Variants in PTN observed in about 807,000 individuals in gnomAD.
The protein encoded by PTN is heparin affin regulatory protein.
PTN carries 18 observed loss-of-function variants against 24.1 expected under a neutral mutation model. The observed-to-expected ratio is 0.75, with a 90% CI of 0.52 to 1.11. The LOEUF (loss-of-function observed/expected upper bound fraction) is 1.11, where lower values mean the gene tolerates loss of function less well. Among genes scored for constraint, PTN ranks in the 50% least tolerant of loss-of-function variants. The pLI is 0.00. For missense variants in PTN, 163 were observed against 198.8 expected (o/e 0.82, Z 1.08); for synonymous variants, 78 against 68.6 (o/e 1.14, Z -0.67).
At chr7:137,254,697 C>T (rs2128871485) in intron 2 of PTN, among the ~76,000 whole-genome samples, 162 bp downstream of exon 2, 1 of 152,052 alleles carries the variant, frequency 6.6e-6, no homozygotes, top group Non-Finnish European at 1.5e-5. Flanking sequence ...CAGGATATTT[C>T]TTAGGTTCCT....
At chr7:137,312,157 C>G (rs1449060617) in intron 1 of PTN, among the ~76,000 whole-genome samples, 1 of 152,120 alleles carries the variant, frequency 6.6e-6, no homozygotes, top group African/African-American at 2.4e-5. Flanking sequence ...ATTTAAAGGA[C>G]AAGATATTAA....
intron 1 of PTN, among the ~76,000 whole-genome samples, chr7:137,307,056 C>T (rs1178138797): frequency 6.6e-6 from 1 of 152,068 alleles, no homozygotes; most frequent in Non-Finnish European, 1.5e-5. Context: ...GCAGTCAATG[C>T]TCAGTAGAGA....
chr7:137,318,424 T>C (rs1184296028), intron 1 of PTN, among the ~76,000 whole-genome samples: 2 of 152,180 alleles, frequency 1.3e-5, no homozygotes, highest in Non-Finnish European at 2.9e-5. Context: ...CCAGGTAGAA[T>C]CCTACAGATT....
At chr7:137,332,167 C>T (rs926672422) in intron 1 of PTN, among the ~76,000 whole-genome samples, 1 of 152,174 alleles carries the variant, frequency 6.6e-6, no homozygotes, top group Non-Finnish European at 1.5e-5. Flanking sequence ...AAAAGCAGGA[C>T]ACCCAATTAC....
intron 1 of PTN, among the ~76,000 whole-genome samples, chr7:137,270,859 G>T (rs141205177): frequency 2.6e-5 from 4 of 152,196 alleles, no homozygotes; most frequent in Admixed American, 2.0e-4. Context: ...TAGGTAGGGG[G>T]TTATGGGTGG....
intron 1 of PTN, among the ~76,000 whole-genome samples, chr7:137,260,874 G>A (rs919932717): frequency 7.9e-5 from 12 of 152,256 alleles, no homozygotes; most frequent in African/African-American, 2.9e-4. Flanking sequence ...TTGCAAAATG[G>A]TGATATTCTC....
At chr7:137,336,874 C>T (rs549146620) in intron 1 of PTN, among the ~76,000 whole-genome samples, 5 of 152,230 alleles carry the variant, frequency 3.3e-5, no homozygotes, top group Admixed American at 1.3e-4. Context: ...ACTACTCAGA[C>T]GTCAATCCTG....
At chr7:137,335,049 G>C (rs1470415104) in intron 1 of PTN, among the ~76,000 whole-genome samples, 2 of 116,176 alleles carry the variant, frequency 1.7e-5, no homozygotes, top group African/African-American at 6.6e-5. Context: ...GTTGTGGGGT[G>C]GGGGGAGGGG....
In PTN at chr7:137,328,581, C is replaced by T. The variant is rs147874607; in HGVS notation, c.-2+14858G>A. Among the ~76,000 whole-genome samples the T allele has an allele frequency of 5.0e-4, 76 of 152,274 alleles. 2 individuals are homozygous for T. The highest frequency in any genetic ancestry group is 5.0e-4 in the Non-Finnish European group (34 of 68,024). The stretch of plus-strand genomic sequence containing the variant: ...CAGAGACTCTCAACACAAACAAACC[C>T]GGCACTGTGGCCTCCCCAAGGGATA... On this transcript the variant is annotated intron_variant, in intron 1 of 4. Coordinates refer to ENST00000348225, the MANE Select transcript of PTN (RefSeq NM_002825.7).
intron 1 of PTN, among the ~76,000 whole-genome samples, chr7:137,334,379 G>A (rs1370024801): frequency 3.1e-5 from 1 of 31,984 alleles, no homozygotes; most frequent in African/African-American, 6.8e-5. Context: ...AAAAGTGGGC[G>A]AAGGACATGA....
chr7:137,282,592 G>GA (rs201216001), intron 1 of PTN, among the ~76,000 whole-genome samples: 3 of 151,348 alleles, frequency 2.0e-5, no homozygotes, highest in Non-Finnish European at 3.0e-5. Context: ...GAGATATAAA[G>GA]AAAAAAAATG....
intron 1 of PTN, among the ~76,000 whole-genome samples, chr7:137,330,851 CA>C (rs962017087): frequency 2.0e-5 from 3 of 152,156 alleles, no homozygotes; most frequent in Non-Finnish European, 4.4e-5. Context: ...ATGTGGAAAA[CA>C]AAGAAGGCAA....
intron 1 of PTN, among the ~76,000 whole-genome samples, chr7:137,338,729 G>A (rs1269303928): frequency 2.0e-5 from 3 of 152,100 alleles, no homozygotes; most frequent in East Asian, 1.9e-4. Flanking sequence ...GTCACTATGC[G>A]TAAAAGTCTG....
At chr7:137,249,546 A>C (rs1160387555) in intron 4 of PTN, among the ~76,000 whole-genome samples, 1 of 152,068 alleles carries the variant, frequency 6.6e-6, no homozygotes, top group Non-Finnish European at 1.5e-5. Flanking sequence ...AAGCTTCTTT[A>C]ATTTCTTTTC....
At chr7:137,339,586 TG>T (rs1462312702) in intron 1 of PTN, among the ~76,000 whole-genome samples, 1 of 78,382 alleles carries the variant, frequency 1.3e-5, no homozygotes, top group Non-Finnish European at 3.0e-5. Flanking sequence ...AAAAAAAAAA[TG>T]GGGGAAAAAT....
chr7:137,240,215 C>T (rs1327835570), intron 4 of PTN, among the ~76,000 whole-genome samples: 4 of 152,068 alleles, frequency 2.6e-5, no homozygotes, highest in Non-Finnish European at 5.9e-5. Context: ...TCATTGTCCA[C>T]CCACCACCAC....
intron 1 of PTN, among the ~76,000 whole-genome samples, chr7:137,284,245 C>G (rs888708012): frequency 6.6e-6 from 1 of 151,922 alleles, no homozygotes; most frequent in African/African-American, 2.4e-5. Flanking sequence ...CGTGAGCCAC[C>G]GCGCCGGGCC....
In PTN at chr7:137,308,321, A is replaced by AGGAAAACT. The variant is rs376522721; in HGVS notation, c.-2+35110_-2+35117dup. On this transcript the variant is annotated intron_variant, in intron 1 of 4. Coordinates refer to ENST00000348225, the MANE Select transcript of PTN (RefSeq NM_002825.7). ...AGCCATCCAAAGGAAGAAAGGTTAT[A>AGGAAAACT]GGAAAACTGGACTTACCAATAGGAA... is the stretch of plus-strand genomic sequence containing the variant. Among the ~76,000 whole-genome samples, 551 of 152,328 alleles carry AGGAAAACT rather than the reference A, an allele frequency of 3.6e-3. 3 individuals are homozygous for AGGAAAACT. The highest frequency in any genetic ancestry group is 0.011 in the African/African-American group (441 of 41,580).
rs1182404227 is a variant in PTN at position 137,251,339 on chromosome 7, G to T, written c.342C>A (p.Ala114=). The T allele has an allele frequency of 2.5e-6, 4 of 1,614,036 alleles. No homozygotes were observed. The highest frequency in any genetic ancestry group is 3.4e-6 in the Non-Finnish European group (4 of 1,179,984). Residue 114 remains alanine, a synonymous_variant, in exon 4 of 5, where the codon GCC becomes GCA. Transcript: ENST00000348225. ...QAWGECDLNT[A]LKTRTGSLKR... ...TCAGACTTCCAGTTCTGGTCTTCAG[G>T]GCTGTGTTCAGGTCACATTCTCCCC...
Sources: gnomAD v4.1 joint callset for allele counts (sites outside exome capture counted in the v4.1 genomes callset) on GRCh38, gnomAD v4.1.1 for gene constraint, MANE v1.5 for transcripts, NCBI Gene and HGNC (gene_info 2026-07-23, HGNC 2026-07-21) for gene names.